Variants in MYO1F observed in about 807,000 individuals in gnomAD.
MYO1F encodes myosin IF.
In MYO1F, 60 loss-of-function variants were observed where a neutral mutation model predicts 146.6. The ratio of observed to expected loss-of-function variants is 0.41; its 90% CI spans 0.33 to 0.51. The LOEUF is 0.51. Among genes scored for constraint, MYO1F ranks in the 20% least tolerant of loss-of-function variants. MYO1F has a pLI of 0.25. For synonymous variants in MYO1F, 602 were observed against 602.1 expected, an observed-to-expected ratio of 1.00 and a Z score of 0.00; for missense variants, 1,274 against 1,534.3, an observed-to-expected ratio of 0.83 and a Z score of 2.83.
At chr19:8,523,994 C>T (rs1251766284) in intron 25 of MYO1F, among the ~76,000 whole-genome samples, 1 of 151,668 alleles carries the variant, frequency 6.6e-6, no homozygotes, top group Non-Finnish European at 1.5e-5. Flanking sequence ...TGGCGTGTGC[C>T]TGTAGTCCCA....
At chr19:8,574,657 T>A in intron 1 of MYO1F, among the ~76,000 whole-genome samples, 1 of 140,184 alleles carries the variant, frequency 7.1e-6, no homozygotes, top group African/African-American at 2.6e-5. Context: ...TTTCTTTCTC[T>A]TTCTTCTTTC....
intron 15 of MYO1F, chr19:8,540,400 A>G (rs115441173): frequency 0.023 from 3,592 of 157,382 alleles, 148 homozygotes; most frequent in African/African-American, 0.082. Flanking sequence ...CAACACGGAT[A>G]AATTGTACAT....
chr19:8,536,854 C>T, intron 17 of MYO1F, 95 bp downstream of exon 17: 1 of 875,266 alleles, frequency 1.1e-6, no homozygotes, highest in Non-Finnish European at 1.9e-6. Context: ...GTCCCTGGGT[C>T]ATCCTACAGG....
At position 8,536,978 on chromosome 19, in the gene MYO1F, G is replaced by A; in HGVS notation, c.1770C>T (p.Thr590=). ...TCTCCTCCCAGTCTCGGGGCCTCTT[G>A]GTCTCGTTGGGTTTGATGCAGCGGA... ...HYIRCIKPNE[T]KRPRDWEENR... The change falls in exon 17 of 28, where the codon ACC becomes ACT. Residue 590 remains threonine, a synonymous_variant. Transcript: ENST00000644032. The A allele has an allele frequency of 6.2e-7, 1 of 1,613,510 alleles. No homozygotes were observed. The highest frequency in any genetic ancestry group is 8.5e-7 in the Non-Finnish European group (1 of 1,179,816).
chr19:8,571,931 G>A (rs1427704893), intron 1 of MYO1F, among the ~76,000 whole-genome samples: 2 of 152,110 alleles, frequency 1.3e-5, no homozygotes, highest in South Asian at 2.1e-4. Flanking sequence ...CACTGTGTTA[G>A]CCAGGATGGT....
Position 8,555,652 on chromosome 19 carries a change from A to G in MYO1F, c.141+7T>C, listed in dbSNP as rs1555727452. The G allele has an allele frequency of 6.2e-7, 1 of 1,613,710 alleles. No individual in the cohort carries two copies. The highest frequency in any genetic ancestry group is 2.2e-5 in the East Asian group (1 of 44,868). The stretch of plus-strand genomic sequence containing the variant: ...GCCTGCCCACCCCCAGCCTTGGCCC[A>G]GGGTACGAAGATGTAGTCGTCCATG... On this transcript the variant is annotated splice_region_variant and intron_variant, in intron 2 of 27. Transcript: ENST00000644032.
At chr19:8,562,073 C>T (rs982895642) in intron 1 of MYO1F, among the ~76,000 whole-genome samples, 5 of 150,358 alleles carry the variant, frequency 3.3e-5, no homozygotes, top group African/African-American at 1.2e-4. Flanking sequence ...CTTGCTCTGT[C>T]GCCCAGGCTG....
At chr19:8,573,650 G>A (rs1311437853) in intron 1 of MYO1F, among the ~76,000 whole-genome samples, 1 of 152,142 alleles carries the variant, frequency 6.6e-6, no homozygotes, top group Non-Finnish European at 1.5e-5. Context: ...AGGAGTTGGA[G>A]ACCAGCCTGG....
intron 1 of MYO1F, among the ~76,000 whole-genome samples, chr19:8,565,485 T>C (rs963171215): frequency 6.6e-6 from 1 of 151,950 alleles, no homozygotes; most frequent in African/African-American, 2.4e-5. Flanking sequence ...GAGGTTGTAG[T>C]GAGCCAAGAT....
intron 1 of MYO1F, chr19:8,576,953 G>C (rs112197280): frequency 0.032 from 14,742 of 456,042 alleles, 307 homozygotes; most frequent in South Asian, 0.044. Context: ...ACAGGGAGAC[G>C]AGAGACTGGG....
chr19:8,541,908 C>T lies in MYO1F; in HGVS notation c.1608G>A (p.Glu536=), dbSNP rs1972991167. 1.9e-6 allele frequency: 3 copies of T among 1,613,184 alleles called. No individual in the cohort carries two copies. The East Asian group carries it at 6.7e-5, about 36-fold the overall frequency. ...TCCCCATGCCTGGGACCACTCACTG[C>T]TCACTGGTCTGCATCAGCTCTATGA... ...SDLIELMQTS[E]QAFLRMLFPE... Residue 536 remains glutamate (E), a splice_region_variant and synonymous_variant, in exon 15 of 28, where the codon GAG becomes GAA. Transcript: ENST00000644032.
rs779696505 is a variant in MYO1F at position 8,554,691 on chromosome 19, T to A, written c.194A>T (p.Tyr65Phe). Reference sequence around the variant, plus strand: ...GAGGTCGATCTCACGGTCGGTGAAGTAGGGCATCTGCTTGAAGGGGTTTAC... The same window carrying A: ...GAGGTCGATCTCACGGTCGGTGAAGAAGGGCATCTGCTTGAAGGGGTTTAC... ...ISVNPFKQMP[Y>F]FTDREIDLYQ... Residue 65 changes from tyrosine (Y) to phenylalanine (F), a missense_variant, in exon 3 of 28, where the codon TAC (tyrosine) becomes TTC (phenylalanine). By Grantham distance (22) the Tyr-to-Phe change is conservative. Around this residue, in one of 2 missense-constraint regions of MYO1F, gnomAD observed 900 missense variants for 1,155.1 expected, o/e 0.78. Transcript: ENST00000644032. 6.2e-7 allele frequency: 1 copy of A among 1,613,716 alleles called. No individual in the cohort carries two copies.
At chr19:8,557,180 G>C (rs1973897326) in intron 1 of MYO1F, among the ~76,000 whole-genome samples, 1 of 152,080 alleles carries the variant, frequency 6.6e-6, no homozygotes, top group Non-Finnish European at 1.5e-5. Flanking sequence ...AGCTACTCTG[G>C]AAGCTGAGGT....
chr19:8,562,097 C>A (rs928747319), intron 1 of MYO1F, among the ~76,000 whole-genome samples: 1 of 150,982 alleles, frequency 6.6e-6, no homozygotes, highest in African/African-American at 2.4e-5. Context: ...GGCAGTGGCA[C>A]AATCTCGGCT....
Position 8,551,773 on chromosome 19 carries a change from G to T in MYO1F, c.738C>A (p.Gly246=). 3.1e-6 allele frequency: 5 copies of T among 1,614,164 alleles called. No homozygotes were observed. Among genetic ancestry groups the T allele is most frequent in the Non-Finnish European group, 4.2e-6 (5 of 1,180,038 alleles). Reference sequence around the variant, plus strand: ...CACCAAAGTCGCTTCTGTCGTCCGTGCCGTCCACCTGGTAGGTGTCCGATT... The same window carrying T: ...CACCAAAGTCGCTTCTGTCGTCCGTTCCGTCCACCTGGTAGGTGTCCGATT... The part of the protein sequence containing the change: ...LNQSDTYQVD[G]TDDRSDFGET... Residue 246 remains glycine, a synonymous_variant, in exon 8 of 28, where the codon GGC becomes GGA. Transcript: ENST00000644032.
chr19:8,559,372 G>C (rs1257200655), intron 1 of MYO1F, among the ~76,000 whole-genome samples: 5 of 151,592 alleles, frequency 3.3e-5, no homozygotes, highest in South Asian at 4.2e-4. Flanking sequence ...TGCATGATCA[G>C]ATTCTGGACA....
intron 1 of MYO1F, among the ~76,000 whole-genome samples, chr19:8,561,864 G>A (rs559335346): frequency 7.3e-5 from 11 of 151,524 alleles, no homozygotes; most frequent in East Asian, 3.9e-4. Context: ...CTATAGGCGC[G>A]CACCACCACA....
chr19:8,558,303 A>G (rs1225649482), intron 1 of MYO1F, among the ~76,000 whole-genome samples: 1 of 151,628 alleles, frequency 6.6e-6, no homozygotes, highest in East Asian at 1.9e-4. Context: ...AGCTGGGACC[A>G]CAGGTGTGTG....
At chr19:8,573,677 C>T (rs1442945872) in intron 1 of MYO1F, among the ~76,000 whole-genome samples, 1 of 152,082 alleles carries the variant, frequency 6.6e-6, no homozygotes, top group Non-Finnish European at 1.5e-5. Context: ...TGGCGAAACC[C>T]CGTCTCCACT....
Sources: gnomAD v4.1 joint callset for allele counts (sites outside exome capture counted in the v4.1 genomes callset) on GRCh38, gnomAD v4.1.1 for gene constraint, gnomAD v4.1.1 regional missense constraint, MANE v1.5 for transcripts, NCBI Gene and HGNC (gene_info 2026-07-23, HGNC 2026-07-21) for gene names.